The following PARPBP variants were observed in gnomAD, a reference collection of about 807,000 sequenced individuals.
The protein encoded by PARPBP is PARP1 binding protein, also known as PCNA-interacting partner.
In PARPBP, 52 loss-of-function variants were observed where a neutral mutation model predicts 50.0. That is an observed-to-expected ratio of 1.04 (90% CI 0.83 to 1.31). PARPBP has a LOEUF of 1.31. Ranked by LOEUF, PARPBP falls within the 50% of genes most tolerant of loss-of-function variation. The pLI, the probability that PARPBP is intolerant of heterozygous loss-of-function variation, is 0.00. For synonymous variants in PARPBP, 244 were observed against 232.1 expected, an observed-to-expected ratio of 1.05 and a Z score of -0.47; for missense variants, 697 against 672.0, an observed-to-expected ratio of 1.04 and a Z score of -0.41.
intron 9 of PARPBP, among the ~76,000 whole-genome samples, chr12:102,186,183 T>C (rs1177941724): frequency 6.6e-6 from 1 of 152,134 alleles, no homozygotes; most frequent in Non-Finnish European, 1.5e-5. Context: ...AAAAAATTTC[T>C]GATTTTATTT....
intron 4 of PARPBP, among the ~76,000 whole-genome samples, chr12:102,154,238 A>G (rs1009474286): frequency 1.3e-5 from 2 of 152,206 alleles, no homozygotes; most frequent in African/African-American, 4.8e-5. Context: ...TTGAAGGTCC[A>G]GTTTGTCAGA....
At chr12:102,138,956 G>C (rs953275992) in intron 2 of PARPBP, among the ~76,000 whole-genome samples, 6 of 151,734 alleles carry the variant, frequency 4.0e-5, no homozygotes, top group African/African-American at 4.8e-5. Flanking sequence ...GCTTAGGATT[G>C]TCTTGGCAAT....
At chr12:102,182,694 A>C in intron 9 of PARPBP, 67 bp downstream of exon 9, 12 of 1,021,730 alleles carry the variant, frequency 1.2e-5, no homozygotes, top group Non-Finnish European at 1.8e-5. Context: ...TAAATACATG[A>C]AGCTGAGCTG....
chr12:102,173,275 G>A (rs1259523363), intron 6 of PARPBP, among the ~76,000 whole-genome samples: 1 of 152,094 alleles, frequency 6.6e-6, no homozygotes, highest in Non-Finnish European at 1.5e-5. Flanking sequence ...TTTGACAAAA[G>A]GGTTTCTCTA....
intron 2 of PARPBP, among the ~76,000 whole-genome samples, chr12:102,129,914 A>C (rs958049391): frequency 6.6e-6 from 1 of 152,214 alleles, no homozygotes; most frequent in African/African-American, 2.4e-5. Context: ...TATGGAACCC[A>C]AAAAGACCCC....
At chr12:102,123,422 G>T (rs1033703891) in intron 1 of PARPBP, among the ~76,000 whole-genome samples, 5 of 151,724 alleles carry the variant, frequency 3.3e-5, no homozygotes, top group Non-Finnish European at 2.9e-5. Flanking sequence ...CACAAGCCTG[G>T]TCCAGATTCA....
At chr12:102,126,576 C>T (rs1355063485) in intron 2 of PARPBP, among the ~76,000 whole-genome samples, 3 of 152,252 alleles carry the variant, frequency 2.0e-5, no homozygotes, top group Admixed American at 2.0e-4. Context: ...CACATGAGGT[C>T]AGGAGTTCGA....
At chr12:102,126,535 C>A (rs1377274002) in intron 2 of PARPBP, among the ~76,000 whole-genome samples, 1 of 152,148 alleles carries the variant, frequency 6.6e-6, no homozygotes, top group African/African-American at 2.4e-5. Flanking sequence ...GCCTGTAATC[C>A]CATCACTTTG....
intron 2 of PARPBP, among the ~76,000 whole-genome samples, chr12:102,139,925 G>C (rs1358017262): frequency 6.6e-6 from 1 of 152,188 alleles, no homozygotes; most frequent in Non-Finnish European, 1.5e-5. Flanking sequence ...GTTCATCAGG[G>C]ATATTGGTCT....
At chr12:102,170,908 T>TC (rs1175342292) in intron 6 of PARPBP, among the ~76,000 whole-genome samples, 2 of 141,490 alleles carry the variant, frequency 1.4e-5, no homozygotes, top group Admixed American at 6.9e-5. Context: ...AATTTTTCTT[T>TC]TTTTTTTTTT....
chr12:102,163,679 T>C (rs1003247660), intron 4 of PARPBP, among the ~76,000 whole-genome samples: 1 of 152,236 alleles, frequency 6.6e-6, no homozygotes, highest in African/African-American at 2.4e-5. Flanking sequence ...GGTTTGTCTA[T>C]AAGTTCAACA....
chr12:102,128,986 T>C (rs544218462), intron 2 of PARPBP, among the ~76,000 whole-genome samples: 2 of 152,206 alleles, frequency 1.3e-5, no homozygotes, highest in Non-Finnish European at 2.9e-5. Context: ...ATCTTTTCAA[T>C]AATGGCCATT....
chr12:102,154,683 G>A lies in PARPBP; in HGVS notation c.495+707G>A, dbSNP rs755882749. 8.7e-4 allele frequency: 317 copies of A among 366,276 alleles called. 1 individual carries two copies. The highest frequency in any genetic ancestry group is 1.3e-3 in the Non-Finnish European group (254 of 189,208). 22.7% of individuals were successfully genotyped at this position (366,276 alleles called of 1,614,324 possible). A position where few individuals can be genotyped will look rare whatever the true frequency, so the allele number is the denominator to read the frequency against. On this transcript the variant is annotated intron_variant, in intron 4 of 10. Transcript: ENST00000327680. The stretch of plus-strand genomic sequence containing the variant: ...GCCTGACTCTGGCATAACATCACAT[G>A]ACAGATAGAGAAGGAAATAAAAATA...
intron 2 of PARPBP, among the ~76,000 whole-genome samples, chr12:102,130,135 A>G (rs894187721): frequency 1.3e-5 from 2 of 152,212 alleles, no homozygotes; most frequent in Admixed American, 6.5e-5. Flanking sequence ...GAAAACAAGC[A>G]ATGGGGAAAG....
intron 3 of PARPBP, chr12:102,150,283 A>G: frequency 2.2e-6 from 1 of 454,392 alleles, no homozygotes; most frequent in South Asian, 1.6e-5. Context: ...CAGTGCGGGG[A>G]AAAAGTAGAC....
At chr12:102,123,538 A>C (rs1055711950) in intron 1 of PARPBP, among the ~76,000 whole-genome samples, 4 of 148,472 alleles carry the variant, frequency 2.7e-5, no homozygotes, top group African/African-American at 7.4e-5. Context: ...CTTATTACCT[A>C]TCTCAAAACA....
chr12:102,124,562 G>A (rs534534230), intron 2 of PARPBP, among the ~76,000 whole-genome samples: 6 of 152,320 alleles, frequency 3.9e-5, no homozygotes, highest in Admixed American at 2.6e-4. Context: ...ATGAATGTAG[G>A]ATAGAGTGGT....
intron 2 of PARPBP, among the ~76,000 whole-genome samples, chr12:102,138,251 G>T (rs1471890334): frequency 1.3e-5 from 2 of 152,144 alleles, no homozygotes; most frequent in African/African-American, 4.8e-5. Context: ...TTCTCTGATG[G>T]CCAGTGATGA....
chr12:102,122,080 G>A (rs1289915218), intron 1 of PARPBP, among the ~76,000 whole-genome samples: 1 of 152,086 alleles, frequency 6.6e-6, no homozygotes, highest in African/African-American at 2.4e-5. Context: ...ATTTCAGAAT[G>A]GCCTAATTCC....
Sources: gnomAD v4.1 joint callset for allele counts (sites outside exome capture counted in the v4.1 genomes callset) on GRCh38, gnomAD v4.1.1 for gene constraint, MANE v1.5 for transcripts, NCBI Gene and HGNC (gene_info 2026-07-23, HGNC 2026-07-21) for gene names.